The following ZNF69 variants were observed in gnomAD, a reference collection of about 807,000 sequenced individuals.
ZNF69 encodes the protein zinc finger protein 69.
In ZNF69, 47 loss-of-function variants were observed where a neutral mutation model predicts 50.9. The observed-to-expected ratio is 0.92, with a 90% CI of 0.73 to 1.18. ZNF69 has a LOEUF of 1.18. Among genes scored for constraint, ZNF69 ranks in the 50% most tolerant of loss-of-function variants. ZNF69 has a pLI of 0.00. For missense variants in ZNF69, 717 were observed against 675.1 expected (o/e 1.06, Z -0.69); for synonymous variants, 216 against 223.1 (o/e 0.97, Z 0.29).
chr19:11,907,617 A>G (rs1972398252), downstream of ZNF69, among the ~76,000 whole-genome samples: 1 of 152,042 alleles, frequency 6.6e-6, no homozygotes, highest in Admixed American at 6.6e-5. Flanking sequence ...TACAGATTCA[A>G]ATGCTGAGAG....
At chr19:11,965,325 G>A in the ZNF69 span, 3 of 1,448,302 alleles carry the variant, frequency 2.1e-6, no homozygotes, top group Non-Finnish European at 2.9e-6. Context: ...GTCTGGGACC[G>A]AGTCCTCCTG....
At chr19:11,955,245 C>T in the ZNF69 span, among the ~76,000 whole-genome samples, 261 of 151,832 alleles carry the variant, frequency 1.7e-3, 3 homozygotes, top group African/African-American at 5.8e-3. Context: ...CCTTGTGATC[C>T]GCCCACCTCG....
intron 1 of ZNF69, among the ~76,000 whole-genome samples, chr19:11,891,947 C>T (rs1468366956): frequency 6.6e-6 from 1 of 152,018 alleles, no homozygotes. Flanking sequence ...TTGCATTTTC[C>T]ATAGAAGGCT....
chr19:11,903,705 G>A lies in ZNF69; in HGVS notation c.190+6G>A. On this transcript the variant is annotated splice_donor_region_variant and intron_variant, in intron 2 of 3. Transcript: ENST00000429654. The stretch of plus-strand genomic sequence containing the variant: ...CAGGAACCTGACCTCTGTAGGTAAG[G>A]ATGACATATTCCTTCCCTCAGTCCA... 4 of 1,613,860 alleles carry A rather than the reference G, an allele frequency of 2.5e-6. No homozygotes were observed. The highest frequency in any genetic ancestry group is 2.5e-6 in the Non-Finnish European group (3 of 1,179,876).
chr19:11,907,697 G>A (rs1034246751), downstream of ZNF69, among the ~76,000 whole-genome samples: 2 of 152,106 alleles, frequency 1.3e-5, no homozygotes, highest in South Asian at 2.1e-4. Flanking sequence ...AGGAACAACC[G>A]GTACCAGCCA....
At chr19:11,903,438 T>A in intron 1 of ZNF69, 135 bp from the exon 2 acceptor site, 2 of 1,422,888 alleles carry the variant, frequency 1.4e-6, no homozygotes, top group Non-Finnish European at 1.9e-6. Context: ...TGGAAGAAAG[T>A]AAGTATACAC....
chr19:11,888,080 G>A, intron 1 of ZNF69, 94 bp downstream of exon 1: 4 of 1,296,746 alleles, frequency 3.1e-6, no homozygotes, highest in African/African-American at 1.5e-5. Context: ...TCCTGCGGGC[G>A]ACTTTGGGAT....
intron 1 of ZNF69, among the ~76,000 whole-genome samples, chr19:11,900,237 G>T (rs1412736143): frequency 1.3e-5 from 2 of 152,138 alleles, no homozygotes; most frequent in African/African-American, 2.4e-5. Context: ...ACAGGCATGA[G>T]CCACTGCACC....
At chr19:11,924,193 G>A in the ZNF69 span, among the ~76,000 whole-genome samples, 1 of 152,244 alleles carries the variant, frequency 6.6e-6, no homozygotes, top group East Asian at 1.9e-4. Flanking sequence ...AGCACTTTGC[G>A]GGGCCGAGGC....
In ZNF69 at chr19:11,893,142, G is replaced by A. The variant is rs554142276; in HGVS notation, c.63+5156G>A. On this transcript the variant is annotated intron_variant, in intron 1 of 3. Coordinates refer to ENST00000429654, the MANE Select transcript of ZNF69 (RefSeq NM_001364730.1). ...AAGCCAGCTTTCCTGGCCTGACTTA[G>A]GTAGAAATTTTCTAGTTATGTAATC... Among the ~76,000 whole-genome samples, 3 of 152,240 alleles carry A rather than the reference G, an allele frequency of 2.0e-5. No homozygotes were observed. In the East Asian group the frequency reaches 5.8e-4, roughly 29 times the overall value.
At chr19:11,909,128 G>A (rs1279114341), downstream of ZNF69, among the ~76,000 whole-genome samples, 1 of 152,110 alleles carries the variant, frequency 6.6e-6, no homozygotes, top group Non-Finnish European at 1.5e-5. Flanking sequence ...CCAGGAAGAA[G>A]TCGAATCCCT....
the ZNF69 span, chr19:11,950,200 C>T: frequency 1.2e-6 from 2 of 1,613,282 alleles, no homozygotes; most frequent in Admixed American, 1.7e-5. Context: ...CGCAAGGACT[C>T]ATATGGGAGA....
At chr19:11,925,096 G>T in the ZNF69 span, 1 of 1,198,402 alleles carries the variant, frequency 8.3e-7, no homozygotes, top group African/African-American at 1.5e-5. Context: ...GGAAATGGAG[G>T]GGGTCGCTTT....
chr19:11,951,167 AAG>A, the ZNF69 span, among the ~76,000 whole-genome samples: 32 of 149,310 alleles, frequency 2.1e-4, no homozygotes, highest in African/African-American at 7.8e-4. Context: ...AAAAAAAAAA[AAG>A]AAAGAAATTT....
the ZNF69 span, among the ~76,000 whole-genome samples, chr19:11,937,625 AC>A: frequency 6.6e-6 from 1 of 151,564 alleles, no homozygotes; most frequent in Non-Finnish European, 1.5e-5. Context: ...AGTAACTGAG[AC>A]TACAGGTGCC....
chr19:11,947,546 G>C, the ZNF69 span: 20 of 1,613,488 alleles, frequency 1.2e-5, no homozygotes, highest in East Asian at 3.1e-4. Context: ...CATTGAATAT[G>C]AGTACCAAAA....
chr19:11,927,223 C>T, the ZNF69 span, among the ~76,000 whole-genome samples: 1 of 151,838 alleles, frequency 6.6e-6, no homozygotes, highest in Non-Finnish European at 1.5e-5. Context: ...GTGTGGTGGC[C>T]TGCACCTGTA....
At chr19:11,934,514 T>G in the ZNF69 span, among the ~76,000 whole-genome samples, 2 of 148,040 alleles carry the variant, frequency 1.4e-5, 1 homozygote, top group African/African-American at 5.3e-5. Flanking sequence ...TTTTTTTCTT[T>G]TTTTCTTTGT....
At chr19:11,899,378 C>T (rs530735055) in intron 1 of ZNF69, among the ~76,000 whole-genome samples, 1 of 152,150 alleles carries the variant, frequency 6.6e-6, no homozygotes, top group African/African-American at 2.4e-5. Context: ...ATCCTCCTGC[C>T]TGAGCTTCCC....
Sources: allele counts gnomAD v4.1 joint callset (sites outside exome capture counted in the v4.1 genomes callset), GRCh38; gene constraint gnomAD v4.1.1; transcripts MANE v1.5; gene names NCBI Gene and HGNC (gene_info 2026-07-23, HGNC 2026-07-21).